KCNJ6: variants seen among roughly 807,000 people sequenced by gnomAD.
KCNJ6 encodes G protein-activated inward rectifier potassium channel 2.
A neutral mutation model predicts 34.2 loss-of-function variants in KCNJ6; 9 were observed. The observed-to-expected ratio is 0.26, with a 90% CI of 0.16 to 0.46. KCNJ6 has a LOEUF of 0.46. Among genes scored for constraint, KCNJ6 ranks in the 20% least tolerant of loss-of-function variants. The pLI is 1.00. For synonymous variants in KCNJ6, 196 were observed against 207.1 expected, an observed-to-expected ratio of 0.95 and a Z score of 0.46; for missense variants, 236 against 531.3, an observed-to-expected ratio of 0.44 and a Z score of 5.46.
chr21:37,830,838 G>T (rs1178760194), intron 2 of KCNJ6, among the ~76,000 whole-genome samples: 1 of 152,146 alleles, frequency 6.6e-6, no homozygotes, highest in Non-Finnish European at 1.5e-5. Flanking sequence ...TTGCTGTTTT[G>T]CAAACCCCTG....
intron 3 of KCNJ6, among the ~76,000 whole-genome samples, chr21:37,661,640 T>TTTTTTTTTTTG (rs2054489618): frequency 2.3e-5 from 3 of 132,274 alleles, no homozygotes; most frequent in African/African-American, 9.4e-5. Flanking sequence ...TTTTTTTTTT[T>TTTTTTTTTTTG]GAGACTGGAG....
intron 2 of KCNJ6, among the ~76,000 whole-genome samples, chr21:37,737,747 G>A (rs994665109): frequency 1.3e-5 from 2 of 152,344 alleles, no homozygotes; most frequent in African/African-American, 4.8e-5. Context: ...ACTCTGGTTT[G>A]GGACAGTTGC....
intron 3 of KCNJ6, among the ~76,000 whole-genome samples, chr21:37,694,795 T>A (rs535833759): frequency 6.6e-6 from 1 of 152,328 alleles, no homozygotes; most frequent in Admixed American, 6.5e-5. Flanking sequence ...CACTGTCTAC[T>A]CATTGTATTG....
chr21:37,858,120 G>A (rs1350188820), intron 1 of KCNJ6, among the ~76,000 whole-genome samples: 2 of 151,900 alleles, frequency 1.3e-5, no homozygotes, highest in East Asian at 1.9e-4. Context: ...GGCCAGGTAC[G>A]GTGGCTCACG....
At chr21:37,760,407 T>C (rs1568838221) in intron 2 of KCNJ6, among the ~76,000 whole-genome samples, 1 of 152,184 alleles carries the variant, frequency 6.6e-6, no homozygotes, top group Non-Finnish European at 1.5e-5. Context: ...TCCACACCCC[T>C]GAGCCCTGTA....
chr21:37,741,230 G>T (rs1442546521), intron 2 of KCNJ6, among the ~76,000 whole-genome samples: 2 of 152,104 alleles, frequency 1.3e-5, no homozygotes, highest in Non-Finnish European at 2.9e-5. Flanking sequence ...ATGCTGTCTG[G>T]ACTAGATATT....
rs1555850322 is a variant in KCNJ6 at position 37,853,847 on chromosome 21, T to TATATATATATATATATATATAC, written c.-27-13139_-27-13138insGTATATATATATATATATATAT. 7.9e-3 allele frequency among the ~76,000 whole-genome samples: 318 copies of TATATATATATATATATATATAC among 40,150 alleles called. 3 individuals are homozygous for TATATATATATATATATATATAC. Among genetic ancestry groups the TATATATATATATATATATATAC allele is most frequent in the African/African-American group, 0.019 (306 of 16,154 alleles). The allele number at this position is 40,150 out of a possible 152,430, so 26.3% of individuals were successfully genotyped here. A position where few individuals can be genotyped will look rare whatever the true frequency, so the allele number is the denominator to read the frequency against. ...TAGTTAAGAGATACATATATATATG[T>TATATATATATATATATATATAC]ATATATATATATATAAATTACATTG... On this transcript the variant is annotated intron_variant, in intron 1 of 3. Transcript: ENST00000609713.
chr21:37,727,617 A>G (rs761418876), intron 2 of KCNJ6, among the ~76,000 whole-genome samples: 10 of 152,176 alleles, frequency 6.6e-5, no homozygotes, highest in Non-Finnish European at 1.5e-4. Flanking sequence ...GTTATAAGGA[A>G]GAGGGATAGT....
chr21:37,708,444 T>C (rs2054732624), intron 3 of KCNJ6, among the ~76,000 whole-genome samples: 1 of 152,232 alleles, frequency 6.6e-6, no homozygotes, highest in Admixed American at 6.5e-5. Context: ...TACTGGGATA[T>C]ATTATAATGA....
At chr21:37,785,695 T>G (rs747221035) in intron 2 of KCNJ6, among the ~76,000 whole-genome samples, 1 of 152,184 alleles carries the variant, frequency 6.6e-6, no homozygotes, top group East Asian at 1.9e-4. Context: ...ATTGCACAGG[T>G]GCAGAAACTG....
rs531728813 is a variant in KCNJ6 at position 37,844,913 on chromosome 21, C to G, written c.-27-4204G>C. On this transcript the variant is annotated intron_variant, in intron 1 of 3. Coordinates refer to ENST00000609713, the MANE Select transcript of KCNJ6 (RefSeq NM_002240.5). ...TTCCAAAGCCCCATCTCAATAGCCT[C>G]ATCTGGAGGTCATGGCTGGGAGGTA... 7.2e-5 allele frequency among the ~76,000 whole-genome samples: 11 copies of G among 152,332 alleles called. No homozygotes were observed. In the South Asian group the frequency reaches 2.3e-3, roughly 32 times the overall value.
intron 3 of KCNJ6, among the ~76,000 whole-genome samples, chr21:37,640,044 C>A (rs577242551): frequency 6.6e-6 from 1 of 152,316 alleles, no homozygotes; most frequent in African/African-American, 2.4e-5. Context: ...AAAGAATGAA[C>A]CAATACAATC....
intron 2 of KCNJ6, among the ~76,000 whole-genome samples, chr21:37,807,725 C>G (rs1316920038): frequency 1.3e-5 from 2 of 152,222 alleles, no homozygotes; most frequent in Non-Finnish European, 2.9e-5. Context: ...AACATATCAT[C>G]TAGCAATTTG....
intron 1 of KCNJ6, among the ~76,000 whole-genome samples, chr21:37,878,564 C>T (rs1441100175): frequency 6.6e-6 from 1 of 152,200 alleles, no homozygotes; most frequent in East Asian, 1.9e-4. Context: ...GGCAAGAAAC[C>T]AGGACTGGCA....
intron 2 of KCNJ6, among the ~76,000 whole-genome samples, chr21:37,777,883 A>G (rs534792431): frequency 6.6e-6 from 1 of 152,286 alleles, no homozygotes; most frequent in South Asian, 2.1e-4. Context: ...GATAGCAGGG[A>G]GCTGGGAACA....
At chr21:37,735,029 G>T (rs1368519429) in intron 2 of KCNJ6, among the ~76,000 whole-genome samples, 1 of 152,028 alleles carries the variant, frequency 6.6e-6, no homozygotes, top group East Asian at 1.9e-4. Flanking sequence ...GCATGTCCCC[G>T]TTTCCACCTG....
chr21:37,818,034 T>C (rs1188160764), intron 2 of KCNJ6, among the ~76,000 whole-genome samples: 1 of 152,214 alleles, frequency 6.6e-6, no homozygotes, highest in Non-Finnish European at 1.5e-5. Context: ...TGGCATTCTC[T>C]TCATTCTCAG....
chr21:37,893,704 C>T (rs1325429809), intron 1 of KCNJ6, among the ~76,000 whole-genome samples: 1 of 58,470 alleles, frequency 1.7e-5, no homozygotes, highest in African/African-American at 7.0e-5. Flanking sequence ...CCAACAAATA[C>T]TACCTTGGGT....
intron 3 of KCNJ6, 94 bp from the exon 4 acceptor site, chr21:37,625,578 C>T: frequency 1.2e-6 from 1 of 820,264 alleles, no homozygotes; most frequent in Non-Finnish European, 1.9e-6. Flanking sequence ...CTGCATGCAG[C>T]TGTTGAGACT....
Sources: allele counts gnomAD v4.1 joint callset (sites outside exome capture counted in the v4.1 genomes callset), GRCh38; gene constraint gnomAD v4.1.1; transcripts MANE v1.5; gene names NCBI Gene and HGNC (gene_info 2026-07-23, HGNC 2026-07-21).